The following STK32B variants were observed in gnomAD, a reference collection of about 807,000 sequenced individuals.
STK32B encodes the protein serine/threonine-protein kinase 32B.
In STK32B, 43 loss-of-function variants were observed where a neutral mutation model predicts 52.6. That is an observed-to-expected ratio of 0.82 (90% CI 0.64 to 1.05). The LOEUF is 1.05. Among genes scored for constraint, STK32B ranks in the 50% least tolerant of loss-of-function variants. The probability of loss-of-function intolerance (pLI) is 0.00; values close to 1 mark genes in which losing one functional copy is unlikely to be tolerated. For missense variants in STK32B, 621 were observed against 534.6 expected, an observed-to-expected ratio of 1.16 and a Z score of -1.59; for synonymous variants, 238 against 204.3, an observed-to-expected ratio of 1.17 and a Z score of -1.41.
chr4:5,265,786 A>G (rs1167138925), intron 3 of STK32B, among the ~76,000 whole-genome samples: 1 of 152,134 alleles, frequency 6.6e-6, no homozygotes, highest in Non-Finnish European at 1.5e-5. Flanking sequence ...TGTAAACTTT[A>G]CATTTTTTAT....
intron 4 of STK32B, among the ~76,000 whole-genome samples, chr4:5,374,774 G>A (rs772235278): frequency 1.4e-5 from 2 of 144,044 alleles, no homozygotes; most frequent in Non-Finnish European, 3.0e-5. Flanking sequence ...GAATATTGAC[G>A]GGGGCGGGGG....
chr4:5,265,949 T>C (rs1727028266), intron 3 of STK32B, among the ~76,000 whole-genome samples: 1 of 152,212 alleles, frequency 6.6e-6, no homozygotes, highest in South Asian at 2.1e-4. Context: ...AGTTTAATAT[T>C]TGGTGATATA....
intron 6 of STK32B, among the ~76,000 whole-genome samples, chr4:5,417,397 A>G (rs1301281874): frequency 1.3e-5 from 2 of 152,148 alleles, no homozygotes; most frequent in Non-Finnish European, 2.9e-5. Flanking sequence ...CTTCTTGGTT[A>G]TGGATGCCTC....
intron 3 of STK32B, among the ~76,000 whole-genome samples, chr4:5,212,404 G>C (rs1429558658): frequency 6.6e-6 from 1 of 152,152 alleles, no homozygotes; most frequent in East Asian, 1.9e-4. Context: ...TGGGCTTACT[G>C]TCAGCCTTTT....
intron 4 of STK32B, among the ~76,000 whole-genome samples, chr4:5,392,711 A>T (rs1279905366): frequency 6.6e-6 from 1 of 152,162 alleles, no homozygotes; most frequent in Non-Finnish European, 1.5e-5. Context: ...AGGAGTAGCA[A>T]TACCTATCTC....
At chr4:5,354,882 C>T (rs1243373740) in intron 4 of STK32B, among the ~76,000 whole-genome samples, 1 of 151,958 alleles carries the variant, frequency 6.6e-6, no homozygotes, top group South Asian at 2.1e-4. Context: ...AAGAGGGAGG[C>T]AGAAGTGGGT....
intron 3 of STK32B, among the ~76,000 whole-genome samples, chr4:5,229,958 G>A (rs1379866108): frequency 2.6e-5 from 4 of 151,848 alleles, no homozygotes; most frequent in Non-Finnish European, 5.9e-5. Context: ...TTTTGAATAT[G>A]CATGTTTATG....
At chr4:5,129,820 G>A (rs981951585) in intron 1 of STK32B, among the ~76,000 whole-genome samples, 1 of 152,154 alleles carries the variant, frequency 6.6e-6, no homozygotes, top group African/African-American at 2.4e-5. Flanking sequence ...TTGCAAATGT[G>A]TACAGCCAGC....
At chr4:5,367,693 ATC>A (rs1261270245) in intron 4 of STK32B, among the ~76,000 whole-genome samples, 1 of 152,006 alleles carries the variant, frequency 6.6e-6, no homozygotes, top group African/African-American at 2.4e-5. Context: ...TTATTATGTG[ATC>A]TCTGCCACTG....
Position 5,051,829 on chromosome 4 carries a change from G to T in STK32B, c.-35G>T, listed in dbSNP as rs75607574. 1.9e-6 allele frequency: 3 copies of T among 1,577,662 alleles called. No homozygotes were observed. Among genetic ancestry groups the T allele is most frequent in the African/African-American group, 2.7e-5 (2 of 73,554 alleles). On this transcript the variant is annotated 5_prime_UTR_variant, in exon 1 of 12. Coordinates refer to ENST00000282908, the MANE Select transcript of STK32B (RefSeq NM_018401.3). ...CACATCCCGCATCCGGCATCCCAGC[G>T]GCCGGGCATGTAGCAGCGGCAGCAA...
intron 3 of STK32B, among the ~76,000 whole-genome samples, chr4:5,232,426 C>T (rs952887468): frequency 8.5e-5 from 13 of 152,202 alleles, no homozygotes; most frequent in Non-Finnish European, 1.8e-4. Context: ...GCTAATGCAA[C>T]TGTGATTTGT....
chr4:5,413,311 G>T (rs1225306188), intron 5 of STK32B, among the ~76,000 whole-genome samples: 1 of 152,208 alleles, frequency 6.6e-6, no homozygotes, highest in Non-Finnish European at 1.5e-5. Flanking sequence ...AACTTAAACA[G>T]TCCTAGATAG....
the STK32B span, among the ~76,000 whole-genome samples, chr4:5,035,942 C>T: frequency 5.3e-5 from 8 of 152,014 alleles, no homozygotes; most frequent in South Asian, 2.1e-4. Flanking sequence ...CCACCACACC[C>T]GGCTAATTTT....
intron 1 of STK32B, among the ~76,000 whole-genome samples, chr4:5,103,380 T>A (rs554780953): frequency 1.3e-5 from 2 of 152,298 alleles, no homozygotes; most frequent in South Asian, 2.1e-4. Flanking sequence ...CCCAGAAGGA[T>A]ATGTCTTATT....
intron 2 of STK32B, among the ~76,000 whole-genome samples, chr4:5,152,075 G>A (rs1258195898): frequency 6.6e-6 from 1 of 152,192 alleles, no homozygotes; most frequent in East Asian, 1.9e-4. Flanking sequence ...AATCAGAGGT[G>A]AAAAACTTGC....
chr4:5,281,014 G>A (rs28770311), intron 3 of STK32B, among the ~76,000 whole-genome samples: 20,422 of 152,128 alleles, frequency 0.13, 3,138 homozygotes, highest in African/African-American at 0.37. Flanking sequence ...TACAGGAGGC[G>A]TGGCTGGGGA....
intron 3 of STK32B, among the ~76,000 whole-genome samples, chr4:5,304,193 T>C (rs1238062949): frequency 6.6e-6 from 1 of 152,048 alleles, no homozygotes; most frequent in Admixed American, 6.6e-5. Flanking sequence ...ATTTTAGGAT[T>C]GTTTTCTCTA....
chr4:5,269,597 CTG>C (rs1251089137), intron 3 of STK32B, among the ~76,000 whole-genome samples: 4 of 152,170 alleles, frequency 2.6e-5, no homozygotes, highest in Admixed American at 2.6e-4. Flanking sequence ...GTTATTATAA[CTG>C]TATTCCTCAT....
rs2301855 is a variant in STK32B at position 5,468,083 on chromosome 4, T to C, written c.1106+13T>C. 683,587 of 1,612,220 alleles carry C rather than the reference T, an allele frequency of 0.42. 151,890 individuals are homozygous for C. Among genetic ancestry groups the C allele is most frequent in the Non-Finnish European group, 0.46 (545,912 of 1,178,486 alleles). On this transcript the variant is annotated intron_variant, in intron 11 of 11. Transcript: ENST00000282908. ...TCAACAGAGAGAAGTAAGTCCTTCATACTGTCCCCCTTGGGCAAAGCCTGT... is the reference window on the plus strand; with the variant it reads ...TCAACAGAGAGAAGTAAGTCCTTCACACTGTCCCCCTTGGGCAAAGCCTGT...
Sources: allele counts gnomAD v4.1 joint callset (sites outside exome capture counted in the v4.1 genomes callset), GRCh38; gene constraint gnomAD v4.1.1; transcripts MANE v1.5; gene names NCBI Gene and HGNC (gene_info 2026-07-23, HGNC 2026-07-21).